PCDH1: variants seen among roughly 807,000 people sequenced by gnomAD.
The protein encoded by PCDH1 is protocadherin 1, also known as protocadherin-1.
In PCDH1, 23 loss-of-function variants were observed where a neutral mutation model predicts 74.6. That is an observed-to-expected ratio of 0.31 (90% CI 0.22 to 0.44). The LOEUF (loss-of-function observed/expected upper bound fraction) is 0.44, where lower values mean the gene tolerates loss of function less well. Ranked by LOEUF, PCDH1 falls within the 20% of genes least tolerant of loss-of-function variation. The pLI is 1.00. For missense variants in PCDH1, 1,214 were observed against 1,641.4 expected (o/e 0.74, Z 4.50); for synonymous variants, 647 against 686.1 (o/e 0.94, Z 0.89).
chr5:141,873,784 C>A (rs1369019945), intron 1 of PCDH1, among the ~76,000 whole-genome samples: 3 of 152,076 alleles, frequency 2.0e-5, no homozygotes, highest in Non-Finnish European at 4.4e-5. Context: ...ATCACCTTTG[C>A]CATCATAATC....
chr5:141,865,017 C>T lies in PCDH1; in HGVS notation c.1314G>A (p.Val438=). 6.2e-7 allele frequency: 1 copy of T among 1,614,172 alleles called. No homozygotes were observed. Among genetic ancestry groups the T allele is most frequent in the Middle Eastern group, 1.6e-4 (1 of 6,062 alleles). The part of the protein sequence containing the change: ...AAVTCVVAGD[V]PFQLRQASET... The stretch of plus-strand genomic sequence containing the variant: ...CACTGGCCTGGCGCAGCTGGAAGGG[C>T]ACATCACCTGCCACCACACAGGTGA... Residue 438 remains valine, a synonymous_variant, in exon 3 of 5, where the codon GTG becomes GTA. Transcript: ENST00000287008. The surrounding 1 kb of genome is among the most constrained non-coding windows in gnomAD (Gnocchi z 4.4).
At chr5:141,874,222 A>C (rs1253231048) in intron 1 of PCDH1, among the ~76,000 whole-genome samples, 5 of 152,218 alleles carry the variant, frequency 3.3e-5, no homozygotes, top group Non-Finnish European at 7.4e-5. Context: ...GCCCGTAGAA[A>C]TGCAGGAAGA....
chr5:141,875,532 T>G (rs1561490112), intron 1 of PCDH1, among the ~76,000 whole-genome samples: 1 of 134,164 alleles, frequency 7.5e-6, no homozygotes, highest in Non-Finnish European at 1.6e-5. Context: ...GGCCCCCTCC[T>G]GGCCCTTCAA....
chr5:141,860,391 A>G (rs778967488), intron 3 of PCDH1, among the ~76,000 whole-genome samples: 10 of 151,630 alleles, frequency 6.6e-5, no homozygotes, highest in Non-Finnish European at 1.5e-4. Flanking sequence ...GCACGACTGT[A>G]GTCCCAGCTA....
chr5:141,871,137 C>A (rs1460838441), intron 1 of PCDH1, among the ~76,000 whole-genome samples: 2 of 152,210 alleles, frequency 1.3e-5, no homozygotes, highest in African/African-American at 4.8e-5. Flanking sequence ...CCTTTCCAGG[C>A]AAACACAAAG....
rs372923327 is a variant in PCDH1 at position 141,877,219 on chromosome 5, GGT to G, written c.40+1002_40+1003del. The stretch of plus-strand genomic sequence containing the variant: ...ATGTAATGTGACACTGTTGGTTTAA[GGT>G]GTGTGTGACACCCAGTGTTAAGATG... On this transcript the variant is annotated intron_variant, in intron 1 of 4. Transcript: ENST00000287008. Among the ~76,000 whole-genome samples, 453 of 152,296 alleles carry G rather than the reference GGT, an allele frequency of 3.0e-3. 2 individuals carry two copies. The highest frequency in any genetic ancestry group is 9.8e-3 in the African/African-American group (409 of 41,546).
chr5:141,866,290 C>G (rs1303348025), intron 2 of PCDH1: 20 of 947,914 alleles, frequency 2.1e-5, no homozygotes, highest in Non-Finnish European at 2.5e-5. Context: ...GGGGTTGATG[C>G]AGGCCACAGA....
rs76304452 is a variant in PCDH1 at position 141,866,717 on chromosome 5, T to G, written c.904-1290A>C. On this transcript the variant is annotated intron_variant, in intron 2 of 4. Coordinates refer to ENST00000287008, the MANE Select transcript of PCDH1 (RefSeq NM_032420.5). ...AATGGGGATAATAATGTAACCTATT[T>G]CACAGAACTGTGGTGAGCATCAAAT... Among the ~76,000 whole-genome samples the G allele has an allele frequency of 8.9e-3, 1,349 of 152,252 alleles. 22 individuals are homozygous for G. Among genetic ancestry groups the G allele is most frequent in the African/African-American group, 0.031 (1,294 of 41,542 alleles).
chr5:141,853,899 G>A lies in PCDH1; in HGVS notation c.*143C>T, dbSNP rs1026331463. 105 of 628,236 alleles carry A rather than the reference G, an allele frequency of 1.7e-4. No homozygotes were observed. The East Asian group carries it at 2.9e-3, about 18-fold the overall frequency. 38.9% of individuals were successfully genotyped at this position (628,236 alleles called of 1,614,324 possible). A position where few individuals can be genotyped will look rare whatever the true frequency, so the allele number is the denominator to read the frequency against. Reference sequence around the variant, plus strand: ...GACCCTGCATGGGAGAAGGGCCAGCGTGGTCATGAGGTCAGTGATACCCCC... The same window carrying A: ...GACCCTGCATGGGAGAAGGGCCAGCATGGTCATGAGGTCAGTGATACCCCC... On this transcript the variant is annotated 3_prime_UTR_variant, in exon 5 of 5. Coordinates refer to ENST00000287008, the MANE Select transcript of PCDH1 (RefSeq NM_032420.5).
At chr5:141,871,122 C>A (rs192023959) in intron 1 of PCDH1, among the ~76,000 whole-genome samples, 1 of 152,370 alleles carries the variant, frequency 6.6e-6, no homozygotes, top group South Asian at 2.1e-4. Context: ...TTCCTGAGTT[C>A]TCTGCCTTTC....
At position 141,854,081 on chromosome 5, in the gene PCDH1, C is replaced by G; in HGVS notation, c.3675G>C (p.Pro1225=). Reference sequence around the variant, plus strand: ...CGCGCTTGGCCGTCTGGGCAGATGCCGGTGTGGCTGCGGGTGGGAAGTCCG... The same window carrying G: ...CGCGCTTGGCCGTCTGGGCAGATGCGGGTGTGGCTGCGGGTGGGAAGTCCG... The part of the protein sequence containing the change: ...QTSDFPPAAT[P]ASAQTAKREI... The change falls in exon 5 of 5, where the codon CCG becomes CCC. Residue 1225 remains proline, a synonymous_variant. Coordinates refer to ENST00000287008, the MANE Select transcript of PCDH1 (RefSeq NM_032420.5). 2 of 1,540,022 alleles carry G rather than the reference C, an allele frequency of 1.3e-6. No homozygotes were observed. Among genetic ancestry groups the G allele is most frequent in the Middle Eastern group, 4.0e-4 (2 of 5,052 alleles).
Position 141,868,282 on chromosome 5 carries a change from G to C in PCDH1, c.903+287C>G, listed in dbSNP as rs780877377. Among the ~76,000 whole-genome samples the C allele has an allele frequency of 9.9e-5, 15 of 152,204 alleles. No individual in the cohort carries two copies. The highest frequency in any genetic ancestry group is 2.1e-4 in the Non-Finnish European group (14 of 68,042). On this transcript the variant is annotated intron_variant, in intron 2 of 4. Transcript: ENST00000287008. This position sits in a 1 kb window ranked among gnomAD's most constrained non-coding sequence, Gnocchi z 4.8. Reference sequence around the variant, plus strand: ...AGAGAAGGATCTACTTGACTAGGGCGGGAGTTTTACTTCTCAGAGGTTCCC... The same window carrying C: ...AGAGAAGGATCTACTTGACTAGGGCCGGAGTTTTACTTCTCAGAGGTTCCC...
chr5:141,877,493 C>G (rs6580203), intron 1 of PCDH1, among the ~76,000 whole-genome samples: 91,255 of 151,964 alleles, frequency 0.6, 28,221 homozygotes, highest in East Asian at 0.84. Context: ...GAGGGTTCAT[C>G]TAGTGAACTG....
intron 1 of PCDH1, among the ~76,000 whole-genome samples, chr5:141,873,634 AT>A (rs1392401848): frequency 2.6e-4 from 17 of 64,738 alleles, no homozygotes; most frequent in South Asian, 4.5e-4. Flanking sequence ...TTTTTTTTGT[AT>A]TTTTAGTAGA....
intron 1 of PCDH1, among the ~76,000 whole-genome samples, chr5:141,874,639 C>T (rs1342962874): frequency 6.6e-6 from 1 of 152,166 alleles, no homozygotes; most frequent in African/African-American, 2.4e-5. Context: ...GGTGAGAGTT[C>T]ACCCGGAAAC....
chr5:141,853,882 A>T lies in PCDH1; in HGVS notation c.*160T>A. 2 of 558,378 alleles carry T rather than the reference A, an allele frequency of 3.6e-6. No homozygotes were observed. Among genetic ancestry groups the T allele is most frequent in the Non-Finnish European group, 5.9e-6 (2 of 339,672 alleles). 34.6% of individuals were successfully genotyped at this position (558,378 alleles called of 1,614,324 possible). A position where few individuals can be genotyped will look rare whatever the true frequency, so the allele number is the denominator to read the frequency against. On this transcript the variant is annotated 3_prime_UTR_variant, in exon 5 of 5. Coordinates refer to ENST00000287008, the MANE Select transcript of PCDH1 (RefSeq NM_032420.5). Reference sequence around the variant, plus strand: ...TGAGGGGAGAGGACCTGGACCCTGCATGGGAGAAGGGCCAGCGTGGTCATG... The same window carrying T: ...TGAGGGGAGAGGACCTGGACCCTGCTTGGGAGAAGGGCCAGCGTGGTCATG...
At position 141,870,953 on chromosome 5, in the gene PCDH1, C is replaced by T. The variant is rs978720975; in HGVS notation, c.41-1522G>A. ...CAATCCCACTGAGGGCAGGCTCTGG[C>T]CCTCCAGGAAACCTTCACAGTCCTC... On this transcript the variant is annotated intron_variant, in intron 1 of 4. Transcript: ENST00000287008. 1.1e-3 allele frequency among the ~76,000 whole-genome samples: 161 copies of T among 152,210 alleles called. 2 individuals are homozygous for T. Among genetic ancestry groups the T allele is most frequent in the Non-Finnish European group, 4.1e-4 (28 of 68,040 alleles).
chr5:141,871,605 A>C (rs952269163), intron 1 of PCDH1, among the ~76,000 whole-genome samples: 1 of 152,210 alleles, frequency 6.6e-6, no homozygotes, highest in Admixed American at 6.5e-5. Context: ...GTACTCAACA[A>C]AGGACTCCTT....
intron 3 of PCDH1, among the ~76,000 whole-genome samples, chr5:141,861,516 G>A (rs554324063): frequency 2.0e-4 from 30 of 152,280 alleles, no homozygotes; most frequent in African/African-American, 7.0e-4. Flanking sequence ...ATGCCAGAAA[G>A]GACAGAAAAG....
Sources: gnomAD v4.1 joint callset for allele counts (sites outside exome capture counted in the v4.1 genomes callset) on GRCh38, gnomAD v4.1.1 for gene constraint, Gnocchi (gnomAD v3.1) non-coding constraint, MANE v1.5 for transcripts, NCBI Gene and HGNC (gene_info 2026-07-23, HGNC 2026-07-21) for gene names.